C7orf78: variants seen among roughly 807,000 people sequenced by gnomAD.
C7orf78 encodes chromosome 7 open reading frame 78, also known as putative uncharacterized protein C7orf78.
chr7:12,512,902 G>C, the C7orf78 span, among the ~76,000 whole-genome samples: 1 of 151,922 alleles, frequency 6.6e-6, no homozygotes, highest in Non-Finnish European at 1.5e-5. Flanking sequence ...AATTTTAGTC[G>C]GTTGTATGCC....
chr7:12,535,178 G>T, the C7orf78 span, among the ~76,000 whole-genome samples: 3 of 152,122 alleles, frequency 2.0e-5, no homozygotes, highest in Admixed American at 2.0e-4. Context: ...GGAAGCATAG[G>T]TTTATTCATC....
chr7:12,535,901 C>G, the C7orf78 span, among the ~76,000 whole-genome samples: 4 of 152,230 alleles, frequency 2.6e-5, no homozygotes, highest in Non-Finnish European at 2.9e-5. Flanking sequence ...CATGCTGACA[C>G]AAGAGGTGAG....
At chr7:12,512,920 A>T in the C7orf78 span, among the ~76,000 whole-genome samples, 2 of 151,982 alleles carry the variant, frequency 1.3e-5, no homozygotes, top group African/African-American at 4.8e-5. Context: ...GCCTCCAGGA[A>T]TTTTTCCATT....
At chr7:12,492,868 T>C in the C7orf78 span, among the ~76,000 whole-genome samples, 1 of 152,208 alleles carries the variant, frequency 6.6e-6, no homozygotes, top group Non-Finnish European at 1.5e-5. Context: ...AAGAAAAATG[T>C]GTTTTGCAGT....
At chr7:12,538,176 A>C in the C7orf78 span, 1 of 152,180 alleles carries the variant, frequency 6.6e-6, no homozygotes, top group Non-Finnish European at 1.5e-5. Context: ...AATTTTTTTA[A>C]TTGGGAGATT....
At chr7:12,512,825 G>A in the C7orf78 span, among the ~76,000 whole-genome samples, 1 of 152,092 alleles carries the variant, frequency 6.6e-6, no homozygotes, top group East Asian at 1.9e-4. Flanking sequence ...TTTGCTGAGA[G>A]CCTTCTTATT....
chr7:12,498,592 C>T, the C7orf78 span, among the ~76,000 whole-genome samples: 6 of 152,206 alleles, frequency 3.9e-5, no homozygotes, highest in Admixed American at 2.0e-4. Flanking sequence ...TGTGAAAAGA[C>T]CAAATCTACG....
the C7orf78 span, among the ~76,000 whole-genome samples, chr7:12,488,072 C>A: frequency 7.9e-4 from 120 of 152,066 alleles, no homozygotes; most frequent in African/African-American, 2.6e-3. Context: ...ATCATGTGAC[C>A]ATTTAGAAGA....
At chr7:12,528,752 T>G in the C7orf78 span, 5 of 389,858 alleles carry the variant, frequency 1.3e-5, no homozygotes, top group South Asian at 2.9e-4. Context: ...GCAGAAAGAA[T>G]AAGAAAAGTT....
the C7orf78 span, among the ~76,000 whole-genome samples, chr7:12,502,477 A>C: frequency 6.6e-6 from 1 of 151,970 alleles, no homozygotes; most frequent in South Asian, 2.1e-4. Flanking sequence ...AAAACACATG[A>C]AAAAATGCTC....
the C7orf78 span, among the ~76,000 whole-genome samples, chr7:12,498,731 G>C: frequency 6.7e-6 from 1 of 150,298 alleles, no homozygotes; most frequent in African/African-American, 2.5e-5. Context: ...GAAATACAGA[G>C]AACGCCGCAA....
the C7orf78 span, among the ~76,000 whole-genome samples, chr7:12,495,229 C>G: frequency 1.3e-5 from 2 of 152,158 alleles, no homozygotes; most frequent in African/African-American, 4.8e-5. Flanking sequence ...AAATTTGTTA[C>G]TCATGAAAGT....
At chr7:12,513,066 G>A in the C7orf78 span, among the ~76,000 whole-genome samples, 2 of 147,908 alleles carry the variant, frequency 1.4e-5, no homozygotes, top group African/African-American at 2.5e-5. Context: ...TTTATTCTTG[G>A]TTATTCTATC....
the C7orf78 span, chr7:12,541,414 T>C: frequency 6.6e-6 from 1 of 152,130 alleles, no homozygotes; most frequent in Non-Finnish European, 1.5e-5. Flanking sequence ...TGTGGGAAAG[T>C]AGTAGTTAAA....
the C7orf78 span, chr7:12,491,019 C>T: frequency 6.6e-6 from 1 of 152,024 alleles, no homozygotes; most frequent in Non-Finnish European, 1.5e-5. Context: ...TGTATGTTCC[C>T]ATTTGCAAGA....
the C7orf78 span, among the ~76,000 whole-genome samples, chr7:12,493,336 T>C: frequency 1.3e-5 from 2 of 152,236 alleles, no homozygotes; most frequent in Admixed American, 1.3e-4. Context: ...TGTGTAGGAA[T>C]GTGTGCAATG....
chr7:12,535,087 T>C, the C7orf78 span, among the ~76,000 whole-genome samples: 1,044 of 152,208 alleles, frequency 6.9e-3, 11 homozygotes, highest in Middle Eastern at 0.048. Flanking sequence ...TCACAAGTAA[T>C]CAGGGAAATA....
chr7:12,493,639 A>C, the C7orf78 span, among the ~76,000 whole-genome samples: 1 of 152,242 alleles, frequency 6.6e-6, no homozygotes. Flanking sequence ...GCCTCAGGCC[A>C]AACTGGATGG....
the C7orf78 span, chr7:12,531,132 T>C: frequency 7.5e-6 from 3 of 398,118 alleles, no homozygotes; most frequent in Admixed American, 1.3e-4. Flanking sequence ...GATACTTATA[T>C]TAACTCTTTA....
Sources: allele counts gnomAD v4.1 joint callset (sites outside exome capture counted in the v4.1 genomes callset), GRCh38; gene constraint gnomAD v4.1.1; transcripts MANE v1.5; gene names NCBI Gene and HGNC (gene_info 2026-07-23, HGNC 2026-07-21).